RALGPS1: variants seen among roughly 807,000 people sequenced by gnomAD.
The protein encoded by RALGPS1 is ras-specific guanine nucleotide-releasing factor RalGPS1.
RALGPS1 carries 19 observed loss-of-function variants against 78.8 expected under a neutral mutation model. The ratio of observed to expected loss-of-function variants is 0.24; its 90% CI spans 0.17 to 0.35. RALGPS1 has a LOEUF of 0.35. Ranked by LOEUF, RALGPS1 falls within the 10% of genes least tolerant of loss-of-function variation. The pLI is 1.00. For synonymous variants in RALGPS1, 228 were observed against 256.3 expected (o/e 0.89, Z 1.06); for missense variants, 454 against 688.3 (o/e 0.66, Z 3.81).
At chr9:127,051,239 G>A (rs1589219316) in intron 6 of RALGPS1, among the ~76,000 whole-genome samples, 1 of 152,250 alleles carries the variant, frequency 6.6e-6, no homozygotes, top group Non-Finnish European at 1.5e-5. Context: ...ACAAGAGAAA[G>A]TAGGATGTGG....
rs2039437760 is a variant in RALGPS1, at chr9:126,965,834, C to T, written c.58-10C>T. The stretch of plus-strand genomic sequence containing the variant: ...ATTCAGTTGGCACCATCTTTCCCTG[C>T]TCTCCACAGGGCAGCAGCAGCTCGG... On this transcript the variant is annotated splice_polypyrimidine_tract_variant and intron_variant, in intron 2 of 18. Coordinates refer to ENST00000259351, the MANE Select transcript of RALGPS1 (RefSeq NM_014636.3). The T allele has an allele frequency of 6.2e-7, 1 of 1,608,862 alleles. No individual in the cohort carries two copies. Among genetic ancestry groups the T allele is most frequent in the Non-Finnish European group, 8.5e-7 (1 of 1,175,792 alleles).
intron 4 of RALGPS1, among the ~76,000 whole-genome samples, chr9:126,991,556 T>C (rs1008127275): frequency 6.6e-5 from 10 of 152,184 alleles, no homozygotes; most frequent in African/African-American, 1.2e-4. Context: ...GAGGGTTTGT[T>C]TGAACTCTTG....
chr9:126,954,638 T>G (rs775305057), intron 1 of RALGPS1, among the ~76,000 whole-genome samples: 1 of 152,054 alleles, frequency 6.6e-6, no homozygotes, highest in Non-Finnish European at 1.5e-5. Context: ...AATACAAAAA[T>G]TAGCCGGGCA....
chr9:127,172,574 C>T (rs182818328), intron 10 of RALGPS1, among the ~76,000 whole-genome samples: 9 of 152,302 alleles, frequency 5.9e-5, no homozygotes, highest in Admixed American at 2.6e-4. Flanking sequence ...GCTCTCTGCC[C>T]GTCATAGCCA....
chr9:127,199,187 C>A, intron 14 of RALGPS1, 121 bp downstream of exon 14: 1 of 908,740 alleles, frequency 1.1e-6, no homozygotes, highest in Non-Finnish European at 1.8e-6. Flanking sequence ...TGCTCTGTGG[C>A]TCCTTCAGCA....
intron 11 of RALGPS1, among the ~76,000 whole-genome samples, chr9:127,176,933 A>G (rs2059912179): frequency 6.6e-6 from 1 of 152,032 alleles, no homozygotes; most frequent in Non-Finnish European, 1.5e-5. Context: ...TCTCCTCCCC[A>G]GGCCCCTCGC....
chr9:127,082,198 C>G (rs1252663682), intron 8 of RALGPS1, among the ~76,000 whole-genome samples: 1 of 152,200 alleles, frequency 6.6e-6, no homozygotes, highest in East Asian at 1.9e-4. Context: ...CATCTGGTGA[C>G]TGCCAGAGCA....
At position 126,962,235 on chromosome 9, in the gene RALGPS1, G is replaced by C; in HGVS notation, c.-55G>C. On this transcript the variant is annotated 5_prime_UTR_variant, in exon 2 of 19. Transcript: ENST00000259351. ...CCCTTTGCCTTGCAGGACTTCTCCA[G>C]ACAGGTTATGTTACCTGCAGAGGCT... The C allele has an allele frequency of 6.3e-7, 1 of 1,589,786 alleles. No individual in the cohort carries two copies. The highest frequency in any genetic ancestry group is 8.6e-7 in the Non-Finnish European group (1 of 1,158,902).
At chr9:127,096,020 TCACC>T (rs2136598547) in intron 8 of RALGPS1, among the ~76,000 whole-genome samples, 1 of 152,264 alleles carries the variant, frequency 6.6e-6, no homozygotes, top group African/African-American at 2.4e-5. Flanking sequence ...AAGGATCTTC[TCACC>T]CATTTACCTT....
intron 8 of RALGPS1, among the ~76,000 whole-genome samples, chr9:127,100,839 G>A (rs2053651081): frequency 6.6e-6 from 1 of 152,208 alleles, no homozygotes; most frequent in Non-Finnish European, 1.5e-5. Context: ...TCTTCTTTAA[G>A]AACCTATGTC....
chr9:127,185,839 A>G (rs916350086), intron 11 of RALGPS1, among the ~76,000 whole-genome samples: 6 of 152,170 alleles, frequency 3.9e-5, no homozygotes, highest in African/African-American at 1.4e-4. Context: ...GACTCAGGAA[A>G]AGTTTGTCAC....
At chr9:127,146,126 C>T (rs1032354607) in intron 8 of RALGPS1, among the ~76,000 whole-genome samples, 3 of 152,112 alleles carry the variant, frequency 2.0e-5, no homozygotes, top group Admixed American at 1.3e-4. Flanking sequence ...ATTTGTTACA[C>T]GGGAATATTG....
rs929108832 is a variant in RALGPS1 at position 127,205,397 on chromosome 9, A to G, written c.1247+6331A>G. Among the ~76,000 whole-genome samples, 2 of 152,176 alleles carry G rather than the reference A, an allele frequency of 1.3e-5. No individual in the cohort carries two copies. The highest frequency in any genetic ancestry group is 4.8e-5 in the African/African-American group (2 of 41,434). Reference sequence around the variant, plus strand: ...TCTTGCCTTACTCCCTTAGCTCCAAACACTAAAGTCTGGCAGTTGAGGCTC... The same window carrying G: ...TCTTGCCTTACTCCCTTAGCTCCAAGCACTAAAGTCTGGCAGTTGAGGCTC... On this transcript the variant is annotated intron_variant, in intron 14 of 18. Coordinates refer to ENST00000259351, the MANE Select transcript of RALGPS1 (RefSeq NM_014636.3). This position sits in a 1 kb window ranked among gnomAD's most constrained non-coding sequence, Gnocchi z 4.0.
intron 4 of RALGPS1, among the ~76,000 whole-genome samples, chr9:126,996,123 T>G (rs1467945984): frequency 6.6e-6 from 1 of 152,028 alleles, no homozygotes. Context: ...TTAAAAGAAC[T>G]AGAAAAGCAA....
At chr9:126,999,678 A>C (rs1243689207) in intron 4 of RALGPS1, among the ~76,000 whole-genome samples, 1 of 152,142 alleles carries the variant, frequency 6.6e-6, no homozygotes, top group Non-Finnish European at 1.5e-5. Context: ...TTTAGTGCTG[A>C]ATAATAATTT....
intron 14 of RALGPS1, among the ~76,000 whole-genome samples, chr9:127,199,267 C>T (rs1268336399): frequency 1.3e-5 from 2 of 152,164 alleles, no homozygotes; most frequent in Non-Finnish European, 2.9e-5. Flanking sequence ...CCCCAGCCCC[C>T]ATGCTCTGAG....
chr9:127,158,790 G>A (rs1798596388), intron 8 of RALGPS1, among the ~76,000 whole-genome samples: 2 of 133,230 alleles, frequency 1.5e-5, no homozygotes, highest in African/African-American at 5.7e-5. Context: ...ACATGGCCTT[G>A]CATCATTGTG....
intron 5 of RALGPS1, among the ~76,000 whole-genome samples, chr9:127,038,691 G>C (rs2047055517): frequency 6.6e-6 from 1 of 152,206 alleles, no homozygotes; most frequent in Non-Finnish European, 1.5e-5. Context: ...TCATAGTCGA[G>C]TGTAGGAGGC....
At chr9:127,120,210 A>G (rs1460488107) in intron 8 of RALGPS1, among the ~76,000 whole-genome samples, 1 of 152,152 alleles carries the variant, frequency 6.6e-6, no homozygotes, top group East Asian at 1.9e-4. Flanking sequence ...AGGTAGCTGC[A>G]TTTTCTTATC....
Sources: gnomAD v4.1 joint callset for allele counts (sites outside exome capture counted in the v4.1 genomes callset) on GRCh38, gnomAD v4.1.1 for gene constraint, Gnocchi (gnomAD v3.1) non-coding constraint, MANE v1.5 for transcripts, NCBI Gene and HGNC (gene_info 2026-07-23, HGNC 2026-07-21) for gene names.